Variants in SNX6 observed in about 807,000 individuals in gnomAD.
SNX6 encodes sorting nexin 6.
In SNX6, 34 loss-of-function variants were observed where a neutral mutation model predicts 63.0. That is an observed-to-expected ratio of 0.54 (90% CI 0.41 to 0.72). SNX6 has a LOEUF of 0.72. Among genes scored for constraint, SNX6 ranks in the 30% least tolerant of loss-of-function variants. The probability of loss-of-function intolerance (pLI) is 0.00; values close to 1 mark genes in which losing one functional copy is unlikely to be tolerated. For synonymous variants in SNX6, 170 were observed against 164.2 expected, an observed-to-expected ratio of 1.04 and a Z score of -0.27; for missense variants, 398 against 471.4, an observed-to-expected ratio of 0.84 and a Z score of 1.44.
In SNX6 at chr14:34,578,937, C is replaced by CAAAAAAAAAAAAA. The variant is rs71121210; in HGVS notation, c.834+2611_834+2623dup. On this transcript the variant is annotated intron_variant, in intron 10 of 13. Coordinates refer to ENST00000362031, the MANE Select transcript of SNX6 (RefSeq NM_152233.4). Reference sequence around the variant, plus strand: ...CTGGCGACAGAGCGAGACTTCATCTCAAAAAAAAAAAAAAAAAAAAAAAAA... The same window carrying CAAAAAAAAAAAAA: ...CTGGCGACAGAGCGAGACTTCATCTCAAAAAAAAAAAAAAAAAAAAAAAAAAAAAAAAAAAAAA... Among the ~76,000 whole-genome samples the CAAAAAAAAAAAAA allele has an allele frequency of 2.1e-3, 47 of 22,544 alleles. 2 individuals are homozygous for CAAAAAAAAAAAAA. Among genetic ancestry groups the CAAAAAAAAAAAAA allele is most frequent in the African/African-American group, 2.4e-3 (22 of 9,084 alleles). 14.8% of individuals were successfully genotyped at this position (22,544 alleles called of 152,430 possible).
At chr14:34,594,507 C>G (rs1293650937) in intron 7 of SNX6, among the ~76,000 whole-genome samples, 1 of 152,016 alleles carries the variant, frequency 6.6e-6, no homozygotes, top group Non-Finnish European at 1.5e-5. Context: ...GCGCATGCCA[C>G]AACGCCAAGC....
rs545936963 is a variant in SNX6 at position 34,616,308 on chromosome 14, TC to T, written c.55-6567del. On this transcript the variant is annotated intron_variant, in intron 2 of 13. Coordinates refer to ENST00000362031, the MANE Select transcript of SNX6 (RefSeq NM_152233.4). Reference sequence around the variant, plus strand: ...CAATTTAACTAGCAACATTTTTTTTTCCTTAGTGGTACATAAAAGTCTTTCA... The same window carrying T: ...CAATTTAACTAGCAACATTTTTTTTTCTTAGTGGTACATAAAAGTCTTTCA... Among the ~76,000 whole-genome samples the T allele has an allele frequency of 3.7e-3, 561 of 152,276 alleles. 7 individuals carry two copies. Among genetic ancestry groups the T allele is most frequent in the African/African-American group, 0.013 (544 of 41,560 alleles).
intron 6 of SNX6, among the ~76,000 whole-genome samples, chr14:34,601,051 A>G (rs1043183849): frequency 6.6e-6 from 1 of 152,094 alleles, no homozygotes; most frequent in African/African-American, 2.4e-5. Context: ...AGGGAAGGAA[A>G]AAATAAGGAG....
Position 34,575,783 on chromosome 14 carries a change from A to G in SNX6, c.894T>C (p.Tyr298=), listed in dbSNP as rs1441898764. Residue 298 remains tyrosine, a synonymous_variant, in exon 11 of 14, where the codon TAT becomes TAC. Coordinates refer to ENST00000362031, the MANE Select transcript of SNX6 (RefSeq NM_152233.4). Reference sequence around the variant, plus strand: ...TAGCAGCTTGAGATTCTCTTAAGTAATATTTTAAAAGATCAGAAAGTTTGA... The same window carrying G: ...TAGCAGCTTGAGATTCTCTTAAGTAGTATTTTAAAAGATCAGAAAGTTTGA... ...EDLKLSDLLK[Y]YLRESQAAKD... 3 of 1,594,160 alleles carry G rather than the reference A, an allele frequency of 1.9e-6. No homozygotes were observed. The highest frequency in any genetic ancestry group is 1.7e-6 in the Non-Finnish European group (2 of 1,170,064).
intron 11 of SNX6, chr14:34,568,640 T>G (rs1851313139): frequency 1.3e-6 from 1 of 761,794 alleles, no homozygotes; most frequent in Non-Finnish European, 2.2e-6. Context: ...GCCTGTTTTT[T>G]TTTTTTTTTT....
chr14:34,621,718 C>T (rs1265362490), intron 2 of SNX6, among the ~76,000 whole-genome samples: 1 of 152,146 alleles, frequency 6.6e-6, no homozygotes, highest in African/African-American at 2.4e-5. Flanking sequence ...CCTTGCCCAG[C>T]CCATGTATTA....
intron 9 of SNX6, among the ~76,000 whole-genome samples, chr14:34,582,967 T>C (rs1021913140): frequency 9.9e-5 from 15 of 151,748 alleles, no homozygotes; most frequent in African/African-American, 3.1e-4. Flanking sequence ...TACAAAAAAT[T>C]AGTGGGGCAC....
intron 1 of SNX6, 66 bp from the exon 2 acceptor site, chr14:34,630,020 A>T: frequency 1.4e-6 from 2 of 1,475,936 alleles, no homozygotes; most frequent in Non-Finnish European, 1.8e-6. Flanking sequence ...AAAGGGAGAC[A>T]TTAGTGACAG....
At chr14:34,593,460 C>G (rs1432490273) in intron 7 of SNX6, among the ~76,000 whole-genome samples, 1 of 151,146 alleles carries the variant, frequency 6.6e-6, no homozygotes, top group Non-Finnish European at 1.5e-5. Flanking sequence ...AGTGCAGTGG[C>G]GTGATCTTGG....
chr14:34,585,294 C>A lies in SNX6; in HGVS notation c.794+936G>T, dbSNP rs368165522. Among the ~76,000 whole-genome samples, 30 of 152,190 alleles carry A rather than the reference C, an allele frequency of 2.0e-4. No individual in the cohort carries two copies. The East Asian group carries it at 4.9e-3, about 25-fold the overall frequency. On this transcript the variant is annotated intron_variant, in intron 9 of 13. Transcript: ENST00000362031. The stretch of plus-strand genomic sequence containing the variant: ...CAGCACTTTGGGAGGCTGAGTCGGG[C>A]AGGCCACTTGAAGTCAAGGGCTTGA...
chr14:34,582,097 G>C (rs1881962185), intron 9 of SNX6, among the ~76,000 whole-genome samples: 1 of 151,066 alleles, frequency 6.6e-6, no homozygotes, highest in South Asian at 2.1e-4. Flanking sequence ...AAAGTGCTGG[G>C]ATTACAGGTG....
chr14:34,586,550 A>G (rs537202942), intron 8 of SNX6, among the ~76,000 whole-genome samples: 1 of 152,078 alleles, frequency 6.6e-6, no homozygotes, highest in Non-Finnish European at 1.5e-5. Context: ...TCTATCAAAA[A>G]TAAAAAAATC....
At position 34,593,060 on chromosome 14, in the gene SNX6, T is replaced by C. The variant is rs775298222; in HGVS notation, c.703A>G (p.Thr235Ala). ...AAAATCTTACTTTTGTGGGATCTTG[T>C]CATTCTATCAGATTTAGCAGATGCA... is the stretch of plus-strand genomic sequence containing the variant. ...KDASAKSDRM[T>A]RSHKSAADDY... Residue 235 changes from threonine (T) to alanine (A), a missense_variant, in exon 8 of 14, where the codon ACA becomes GCA. Transcript: ENST00000362031. 1 of 1,596,884 alleles carries C rather than the reference T, an allele frequency of 6.3e-7. No homozygotes were observed. Among genetic ancestry groups the C allele is most frequent in the Non-Finnish European group, 8.5e-7 (1 of 1,173,024 alleles).
At chr14:34,594,921 G>C (rs1450358261) in intron 7 of SNX6, among the ~76,000 whole-genome samples, 1 of 151,822 alleles carries the variant, frequency 6.6e-6, no homozygotes, top group Non-Finnish European at 1.5e-5. Flanking sequence ...GCAAAACTCT[G>C]TCTCTACAAA....
At chr14:34,565,849 C>G (rs961017501) in intron 13 of SNX6, among the ~76,000 whole-genome samples, 4 of 152,112 alleles carry the variant, frequency 2.6e-5, no homozygotes, top group Non-Finnish European at 4.4e-5. Context: ...GCCACCATGC[C>G]TGGTTAATTT....
chr14:34,591,887 C>T (rs896208178), intron 8 of SNX6, among the ~76,000 whole-genome samples: 4 of 152,054 alleles, frequency 2.6e-5, no homozygotes, highest in Admixed American at 6.6e-5. Flanking sequence ...TAGTGTTCTA[C>T]GAAAAAATTA....
chr14:34,592,367 C>T (rs1006524495), intron 8 of SNX6, among the ~76,000 whole-genome samples: 47 of 151,292 alleles, frequency 3.1e-4, no homozygotes, highest in African/African-American at 1.0e-3. Flanking sequence ...CCAGCCTGGG[C>T]GATAGAGACT....
intron 4 of SNX6, 123 bp from the exon 5 acceptor site, chr14:34,605,840 G>A: frequency 1.7e-6 from 2 of 1,199,184 alleles, no homozygotes; most frequent in Non-Finnish European, 2.3e-6. Flanking sequence ...TGAACACCAG[G>A]AACACCCAAA....
intron 10 of SNX6, among the ~76,000 whole-genome samples, chr14:34,577,570 G>A (rs1042473584): frequency 2.6e-5 from 4 of 152,078 alleles, no homozygotes; most frequent in African/African-American, 9.7e-5. Flanking sequence ...GTATGTTTGA[G>A]GTGAGATGGA....
Sources: gnomAD v4.1 joint callset for allele counts (sites outside exome capture counted in the v4.1 genomes callset) on GRCh38, gnomAD v4.1.1 for gene constraint, MANE v1.5 for transcripts, NCBI Gene and HGNC (gene_info 2026-07-23, HGNC 2026-07-21) for gene names.